SYT14: variants seen among roughly 807,000 people sequenced by gnomAD.
SYT14 encodes the protein synaptotagmin-14.
A neutral mutation model predicts 74.2 loss-of-function variants in SYT14; 32 were observed. That is an observed-to-expected ratio of 0.43 (90% CI 0.33 to 0.58). The LOEUF (loss-of-function observed/expected upper bound fraction) is 0.58, where lower values mean the gene tolerates loss of function less well. Ranked by LOEUF, SYT14 falls within the 20% of genes least tolerant of loss-of-function variation. SYT14 has a pLI of 0.05. For synonymous variants in SYT14, 298 were observed against 337.7 expected (o/e 0.88, Z 1.29); for missense variants, 791 against 981.8 (o/e 0.81, Z 2.60).
chr1:209,939,960 A>G (rs2078702945), intron 1 of SYT14, among the ~76,000 whole-genome samples: 1 of 152,188 alleles, frequency 6.6e-6, no homozygotes, highest in East Asian at 1.9e-4. Flanking sequence ...CCTACTGCTT[A>G]ACATGTTTGA....
Position 210,038,880 on chromosome 1 carries a change from A to G in SYT14, c.1312+17626A>G, listed in dbSNP as rs114560490. Among the ~76,000 whole-genome samples the G allele has an allele frequency of 2.3e-3, 354 of 152,078 alleles. 1 individual carries two copies. Among genetic ancestry groups the G allele is most frequent in the African/African-American group, 8.2e-3 (340 of 41,498 alleles). ...TCATATTGACTTTAGTCTGATGACT[A>G]TTTGTCTTGTGAAGTCCTTGCAATG... is the stretch of plus-strand genomic sequence containing the variant. On this transcript the variant is annotated intron_variant, in intron 5 of 9. Coordinates refer to ENST00000637265, the Ensembl canonical transcript of SYT14.
At position 210,160,831 on chromosome 1, in the gene SYT14, CTT is replaced by C; in HGVS notation, c.2387_2388del (p.Phe796CysfsTer11). 6.2e-7 allele frequency: 1 copy of C among 1,614,026 alleles called. No homozygotes were observed. Among genetic ancestry groups the C allele is most frequent in the Non-Finnish European group, 8.5e-7 (1 of 1,179,906 alleles). On this transcript the variant is annotated frameshift_variant, in exon 10 of 10. Coordinates refer to ENST00000637265, the Ensembl canonical transcript of SYT14. LOFTEE classifies it high-confidence loss of function. ...CAGCCAAATCCAGTATATAAGGAAA[CTT>C]TTGTCTTTCAAGTGGCCCTATTTCA... is the stretch of plus-strand genomic sequence containing the variant.
At chr1:209,953,933 T>A (rs1219448257) in intron 2 of SYT14, among the ~76,000 whole-genome samples, 1 of 152,160 alleles carries the variant, frequency 6.6e-6, no homozygotes, top group Non-Finnish European at 1.5e-5. Flanking sequence ...AAAATGGAGG[T>A]AGGGGATAGA....
intron 5 of SYT14, among the ~76,000 whole-genome samples, chr1:210,028,949 T>C (rs1351355791): frequency 1.3e-5 from 2 of 152,360 alleles, no homozygotes; most frequent in Non-Finnish European, 1.5e-5. Flanking sequence ...TGTCTGTTTT[T>C]CCAAAATAAT....
chr1:209,963,789 T>G (rs893615643), intron 2 of SYT14, among the ~76,000 whole-genome samples: 1 of 152,202 alleles, frequency 6.6e-6, no homozygotes, highest in Non-Finnish European at 1.5e-5. Context: ...AAGAATTGGT[T>G]GTTCACATCA....
chr1:210,144,591 A>G (rs1039176610), intron 7 of SYT14, among the ~76,000 whole-genome samples: 12 of 152,068 alleles, frequency 7.9e-5, no homozygotes, highest in African/African-American at 2.9e-4. Flanking sequence ...TTAAAATGAA[A>G]TTCAATAGAT....
chr1:210,132,567 T>TTTTGTG (rs147481736), intron 7 of SYT14, among the ~76,000 whole-genome samples: 14,426 of 144,988 alleles, frequency 0.099, 872 homozygotes, highest in East Asian at 0.18. Flanking sequence ...ATTTTATATA[T>TTTTGTG]TGTGTGTGTG....
At chr1:210,045,255 A>G (rs1289346378) in intron 5 of SYT14, among the ~76,000 whole-genome samples, 6 of 152,210 alleles carry the variant, frequency 3.9e-5, no homozygotes, top group African/African-American at 1.4e-4. Flanking sequence ...ACCTTGTCAA[A>G]CTAAGATCTG....
At chr1:210,075,663 G>T (rs763454499) in intron 5 of SYT14, among the ~76,000 whole-genome samples, 10 of 152,040 alleles carry the variant, frequency 6.6e-5, no homozygotes, top group Non-Finnish European at 1.5e-4. Flanking sequence ...GCACAGGATG[G>T]GGGCGTGGCT....
chr1:210,016,266 A>G, exon 4 of SYT14: 1 of 1,232,172 alleles, frequency 8.1e-7, no homozygotes, highest in Non-Finnish European at 1.0e-6. Context: ...AATTGTCAGA[A>G]AACACAAGCC....
Position 210,113,144 on chromosome 1 carries a change from G to C in SYT14, c.2034+12683G>C, listed in dbSNP as rs147948701. Reference sequence around the variant, plus strand: ...GGGCGTGGTCCCGGCTCTTGTGTAAGAACTCTGACCGCACAGCCCTGCACT... The same window carrying C: ...GGGCGTGGTCCCGGCTCTTGTGTAACAACTCTGACCGCACAGCCCTGCACT... On this transcript the variant is annotated intron_variant, in intron 7 of 9. Coordinates refer to ENST00000637265, the Ensembl canonical transcript of SYT14. Among the ~76,000 whole-genome samples the C allele has an allele frequency of 8.0e-4, 121 of 151,470 alleles. 3 individuals carry two copies. Among genetic ancestry groups the C allele is most frequent in the African/African-American group, 2.6e-3 (107 of 40,754 alleles).
chr1:209,940,963 A>C (rs1318835506), intron 1 of SYT14, among the ~76,000 whole-genome samples: 1 of 152,202 alleles, frequency 6.6e-6, no homozygotes, highest in East Asian at 1.9e-4. Flanking sequence ...TCATGTTGGC[A>C]CAGAGCGAGG....
intron 2 of SYT14, among the ~76,000 whole-genome samples, chr1:209,967,272 C>T (rs2079170987): frequency 6.6e-6 from 1 of 152,024 alleles, no homozygotes; most frequent in African/African-American, 2.4e-5. Flanking sequence ...ATTTTGTTTT[C>T]TTTTCATGCC....
At chr1:209,990,754 T>TAA (rs11371735) in intron 2 of SYT14, among the ~76,000 whole-genome samples, 40 of 150,188 alleles carry the variant, frequency 2.7e-4, no homozygotes, top group African/African-American at 9.3e-4. Flanking sequence ...TATATACCCA[T>TAA]AAAAAATTTA....
intron 2 of SYT14, among the ~76,000 whole-genome samples, chr1:209,979,544 A>T (rs2079442099): frequency 6.6e-6 from 1 of 151,920 alleles, no homozygotes; most frequent in Non-Finnish European, 1.5e-5. Context: ...AGATCATCCC[A>T]TCAACTAGGT....
intron 1 of SYT14, among the ~76,000 whole-genome samples, chr1:209,952,269 T>C (rs1216816955): frequency 6.6e-6 from 1 of 152,176 alleles, no homozygotes; most frequent in African/African-American, 2.4e-5. Flanking sequence ...AATAGTGGGT[T>C]GTTGGAGAAT....
intron 5 of SYT14, among the ~76,000 whole-genome samples, chr1:210,048,032 T>C (rs2080919372): frequency 6.6e-6 from 1 of 152,192 alleles, no homozygotes; most frequent in Non-Finnish European, 1.5e-5. Flanking sequence ...TTCCACTTTT[T>C]CGGGAGTAAA....
chr1:210,118,276 A>G (rs2082396501), intron 7 of SYT14, among the ~76,000 whole-genome samples: 2 of 152,222 alleles, frequency 1.3e-5, no homozygotes, highest in South Asian at 2.1e-4. Flanking sequence ...TAAAAACATC[A>G]TAGGGAGACA....
chr1:210,161,419 TCA>T, exon 10 of SYT14: 1 of 452,814 alleles, frequency 2.2e-6, no homozygotes, highest in Non-Finnish European at 4.4e-6. Flanking sequence ...AATTTTAATA[TCA>T]CCCTACATAT....
Sources: gnomAD v4.1 joint callset for allele counts (sites outside exome capture counted in the v4.1 genomes callset) on GRCh38, gnomAD v4.1.1 for gene constraint, MANE v1.5 for transcripts, NCBI Gene and HGNC (gene_info 2026-07-23, HGNC 2026-07-21) for gene names.